Variants in KCNJ3 observed in about 807,000 individuals in gnomAD.
The protein encoded by KCNJ3 is G protein-activated inward rectifier potassium channel 1.
In KCNJ3, 4 loss-of-function variants were observed where a neutral mutation model predicts 39.2. That is an observed-to-expected ratio of 0.10 (90% CI 0.05 to 0.23). The LOEUF (loss-of-function observed/expected upper bound fraction) is 0.23, where lower values mean the gene tolerates loss of function less well. Among genes scored for constraint, KCNJ3 ranks in the 10% least tolerant of loss-of-function variants. The pLI, the probability that KCNJ3 is intolerant of heterozygous loss-of-function variation, is 1.00. For missense variants in KCNJ3, 276 were observed against 634.9 expected, an observed-to-expected ratio of 0.43 and a Z score of 6.08; for synonymous variants, 230 against 237.4, an observed-to-expected ratio of 0.97 and a Z score of 0.29.
At chr2:154,717,930 A>G (rs187763629) in intron 2 of KCNJ3, among the ~76,000 whole-genome samples, 487 of 152,308 alleles carry the variant, frequency 3.2e-3, no homozygotes, top group Non-Finnish European at 5.7e-3. Flanking sequence ...TGGAAATGTT[A>G]TTTATCCTTC....
At chr2:154,713,393 A>G (rs1484428690) in intron 2 of KCNJ3, among the ~76,000 whole-genome samples, 1 of 151,826 alleles carries the variant, frequency 6.6e-6, no homozygotes, top group Admixed American at 6.6e-5. Flanking sequence ...CCCCTACCCA[A>G]TTTCTCCATT....
chr2:154,711,004 G>T (rs1322734943), intron 2 of KCNJ3, among the ~76,000 whole-genome samples: 1 of 151,970 alleles, frequency 6.6e-6, no homozygotes, highest in Non-Finnish European at 1.5e-5. Flanking sequence ...CCTCAAAGCT[G>T]CTTGTAGTAT....
intron 2 of KCNJ3, among the ~76,000 whole-genome samples, chr2:154,775,829 G>A (rs1405019412): frequency 1.3e-5 from 2 of 152,144 alleles, no homozygotes; most frequent in Admixed American, 6.5e-5. Flanking sequence ...GATATAAAAA[G>A]TACCAGGAGA....
chr2:154,824,915 A>G (rs1687242958), intron 2 of KCNJ3, among the ~76,000 whole-genome samples: 1 of 152,236 alleles, frequency 6.6e-6, no homozygotes, highest in Admixed American at 6.5e-5. Context: ...AAAGTAATGC[A>G]GTGAAGCATG....
chr2:154,751,175 A>G (rs1363804902), intron 2 of KCNJ3, among the ~76,000 whole-genome samples: 2 of 151,994 alleles, frequency 1.3e-5, no homozygotes, highest in African/African-American at 4.8e-5. Context: ...CATAAGGTAG[A>G]TGAATTTATT....
intron 2 of KCNJ3, among the ~76,000 whole-genome samples, chr2:154,778,781 T>G (rs906246740): frequency 7.2e-5 from 11 of 152,292 alleles, no homozygotes; most frequent in African/African-American, 2.6e-4. Context: ...TTTTTTCTAT[T>G]CCTTTCCTGT....
intron 2 of KCNJ3, among the ~76,000 whole-genome samples, chr2:154,772,321 A>G (rs995295196): frequency 3.9e-5 from 6 of 152,160 alleles, no homozygotes; most frequent in Non-Finnish European, 7.4e-5. Flanking sequence ...CTCCTTACGT[A>G]TGGGATAGCA....
intron 2 of KCNJ3, among the ~76,000 whole-genome samples, chr2:154,765,299 C>T (rs1364168613): frequency 2.0e-5 from 3 of 152,328 alleles, no homozygotes; most frequent in Admixed American, 6.5e-5. Context: ...AACTTGGCTT[C>T]TTTCAGCCCT....
chr2:154,854,394 A>C (rs1452880963), intron 2 of KCNJ3, among the ~76,000 whole-genome samples: 1 of 152,192 alleles, frequency 6.6e-6, no homozygotes, highest in Admixed American at 6.5e-5. Context: ...AAAAATTGTT[A>C]CATAATTTTT....
At chr2:154,730,269 A>C (rs1386147199) in intron 2 of KCNJ3, among the ~76,000 whole-genome samples, 1 of 152,084 alleles carries the variant, frequency 6.6e-6, no homozygotes, top group African/African-American at 2.4e-5. Context: ...AAGAGTTAAA[A>C]AATTGAGTAG....
At chr2:154,753,361 C>A (rs1284922629) in intron 2 of KCNJ3, among the ~76,000 whole-genome samples, 1 of 151,984 alleles carries the variant, frequency 6.6e-6, no homozygotes, top group African/African-American at 2.4e-5. Context: ...TTGATACTAA[C>A]GTTAGGAAAA....
chr2:154,849,236 G>C (rs1349862821), intron 2 of KCNJ3, among the ~76,000 whole-genome samples: 1 of 152,236 alleles, frequency 6.6e-6, no homozygotes, highest in East Asian at 1.9e-4. Flanking sequence ...CTTGTAAATA[G>C]TGCTTAGAGA....
intron 2 of KCNJ3, among the ~76,000 whole-genome samples, chr2:154,845,881 A>G (rs1346513429): frequency 6.7e-6 from 1 of 149,718 alleles, no homozygotes; most frequent in African/African-American, 2.5e-5. Flanking sequence ...GAGGCAGGAG[A>G]ATCACTTGAA....
At chr2:154,801,563 C>G (rs1021105411) in intron 2 of KCNJ3, among the ~76,000 whole-genome samples, 1 of 131,224 alleles carries the variant, frequency 7.6e-6, no homozygotes, top group Non-Finnish European at 1.7e-5. Context: ...TCTTTTCTTT[C>G]TTTCTTTCTC....
At chr2:154,795,303 G>A (rs769033318) in intron 2 of KCNJ3, among the ~76,000 whole-genome samples, 4 of 151,890 alleles carry the variant, frequency 2.6e-5, no homozygotes, top group Non-Finnish European at 4.4e-5. Context: ...TTGATTGAAA[G>A]AATGACTCTT....
At chr2:154,805,036 C>T (rs996309702) in intron 2 of KCNJ3, among the ~76,000 whole-genome samples, 6 of 151,912 alleles carry the variant, frequency 3.9e-5, no homozygotes, top group Admixed American at 2.6e-4. Flanking sequence ...CAATGAAGGA[C>T]TGACAAATGA....
chr2:154,795,520 C>G (rs1487338440), intron 2 of KCNJ3, among the ~76,000 whole-genome samples: 1 of 151,894 alleles, frequency 6.6e-6, no homozygotes, highest in African/African-American at 2.4e-5. Context: ...TTCTATAAAA[C>G]TGGAGATTTT....
At chr2:154,825,558 T>C (rs1383724459) in intron 2 of KCNJ3, among the ~76,000 whole-genome samples, 2 of 147,324 alleles carry the variant, frequency 1.4e-5, no homozygotes, top group Non-Finnish European at 3.0e-5. Context: ...ATTTATTTAT[T>C]TATTTATTTA....
At chr2:154,717,280 GAATT>G (rs1685197667) in intron 2 of KCNJ3, among the ~76,000 whole-genome samples, 1 of 152,222 alleles carries the variant, frequency 6.6e-6, no homozygotes, top group South Asian at 2.1e-4. Flanking sequence ...GATGAGCCTA[GAATT>G]AGCCCTGGAT....
Sources: gnomAD v4.1 joint callset for allele counts (sites outside exome capture counted in the v4.1 genomes callset) on GRCh38, gnomAD v4.1.1 for gene constraint, MANE v1.5 for transcripts, NCBI Gene and HGNC (gene_info 2026-07-23, HGNC 2026-07-21) for gene names.